Variants in NR3C2 observed in about 807,000 individuals in gnomAD.
NR3C2 encodes the protein nuclear receptor subfamily 3 group C member 2, also known as mineralocorticoid receptor.
In NR3C2, 15 loss-of-function variants were observed where a neutral mutation model predicts 86.4. The observed-to-expected ratio is 0.17, with a 90% CI of 0.12 to 0.27. The LOEUF (loss-of-function observed/expected upper bound fraction) is 0.27, where lower values mean the gene tolerates loss of function less well. NR3C2 is among the 10% of genes least tolerant of loss of function. The pLI, the probability that NR3C2 is intolerant of heterozygous loss-of-function variation, is 1.00. For missense variants in NR3C2, 960 were observed against 1,195.6 expected (o/e 0.80, Z 2.91); for synonymous variants, 458 against 450.5 (o/e 1.02, Z -0.21).
chr4:148,114,340 G>GA, intron 7 of NR3C2, 79 bp from the exon 8 acceptor site: 1 of 1,478,798 alleles, frequency 6.8e-7, no homozygotes, highest in South Asian at 1.2e-5. Context: ...GTCATATACT[G>GA]ATTTTGAGGT....
Position 148,299,728 on chromosome 4 carries a change from G to A in NR3C2, c.1758-39611C>T, listed in dbSNP as rs527511663. Among the ~76,000 whole-genome samples, 6 of 152,290 alleles carry A rather than the reference G, an allele frequency of 3.9e-5. No individual in the cohort carries two copies. In the South Asian group the frequency reaches 1.0e-3, roughly 26 times the overall value. On this transcript the variant is annotated intron_variant, in intron 2 of 8. Coordinates refer to ENST00000358102, the MANE Select transcript of NR3C2 (RefSeq NM_000901.5). ...TAAGAATAAGAGGTTCTTCCCCATG[G>A]CATCTTTCCAAACCTGCAGTTCCGG...
At chr4:148,082,959 G>A (rs372211476) in intron 8 of NR3C2, among the ~76,000 whole-genome samples, 25 of 152,058 alleles carry the variant, frequency 1.6e-4, no homozygotes, top group African/African-American at 3.9e-4. Flanking sequence ...CAGAGCCACC[G>A]GGAAGTTCCA....
chr4:148,085,781 A>G, intron 8 of NR3C2, among the ~76,000 whole-genome samples: 1 of 152,220 alleles, frequency 6.6e-6, no homozygotes, highest in Non-Finnish European at 1.5e-5. Flanking sequence ...AAACACAATA[A>G]AAAATGATAA....
intron 2 of NR3C2, among the ~76,000 whole-genome samples, chr4:148,329,846 G>A (rs144366730): frequency 1.3e-3 from 196 of 152,280 alleles, no homozygotes; most frequent in Non-Finnish European, 2.4e-3. Context: ...AACTTTAATC[G>A]TTAACTGGAG....
intron 2 of NR3C2, among the ~76,000 whole-genome samples, chr4:148,423,864 A>G (rs894921114): frequency 6.6e-6 from 1 of 152,130 alleles, no homozygotes; most frequent in African/African-American, 2.4e-5. Context: ...GCACGCCACT[A>G]CGCCTGGCTA....
chr4:148,097,656 C>T (rs78270892), intron 8 of NR3C2, among the ~76,000 whole-genome samples: 4,810 of 151,656 alleles, frequency 0.032, 245 homozygotes, highest in African/African-American at 0.11. Context: ...CCATGGCCCA[C>T]GGGCTGTATG....
chr4:148,281,054 T>A (rs1741209739), intron 2 of NR3C2, among the ~76,000 whole-genome samples: 1 of 152,218 alleles, frequency 6.6e-6, no homozygotes, highest in Non-Finnish European at 1.5e-5. Flanking sequence ...TCTTGAGAAT[T>A]CCACTTAGTG....
At chr4:148,204,360 T>C (rs1376034515) in intron 3 of NR3C2, among the ~76,000 whole-genome samples, 1 of 152,218 alleles carries the variant, frequency 6.6e-6, no homozygotes, top group Non-Finnish European at 1.5e-5. Context: ...AAACATCTGT[T>C]ATCTAGATAA....
At chr4:148,101,300 A>G (rs1731525238) in intron 8 of NR3C2, among the ~76,000 whole-genome samples, 1 of 152,228 alleles carries the variant, frequency 6.6e-6, no homozygotes, top group South Asian at 2.1e-4. Flanking sequence ...AGCACTATGA[A>G]TTGTCTAAAA....
At chr4:148,238,103 A>T (rs1020173108) in intron 3 of NR3C2, among the ~76,000 whole-genome samples, 53 of 152,296 alleles carry the variant, frequency 3.5e-4, no homozygotes, top group African/African-American at 1.2e-3. Context: ...TAAAATTAGC[A>T]ACTCTATTTG....
chr4:148,342,074 G>C (rs923700945), intron 2 of NR3C2, among the ~76,000 whole-genome samples: 1 of 152,048 alleles, frequency 6.6e-6, no homozygotes, highest in Admixed American at 6.6e-5. Context: ...CAACCAGCCG[G>C]GGGGATGAGG....
intron 2 of NR3C2, among the ~76,000 whole-genome samples, chr4:148,383,395 T>C (rs919210605): frequency 6.6e-6 from 1 of 152,202 alleles, no homozygotes; most frequent in Non-Finnish European, 1.5e-5. Flanking sequence ...ATCTGGTAGA[T>C]TTTTGCTTTT....
intron 6 of NR3C2, among the ~76,000 whole-genome samples, chr4:148,128,548 C>T (rs1732861087): frequency 6.6e-6 from 1 of 152,148 alleles, no homozygotes; most frequent in African/African-American, 2.4e-5. Flanking sequence ...GGTGGCCATC[C>T]ACCACAGTGA....
At chr4:148,139,744 CTT>C (rs1381325957) in intron 6 of NR3C2, among the ~76,000 whole-genome samples, 1 of 152,188 alleles carries the variant, frequency 6.6e-6, no homozygotes, top group African/African-American at 2.4e-5. Context: ...ATATGACCTT[CTT>C]GTTTGTTTCC....
intron 2 of NR3C2, among the ~76,000 whole-genome samples, chr4:148,262,877 T>A (rs1208709903): frequency 6.6e-6 from 1 of 152,154 alleles, no homozygotes; most frequent in East Asian, 1.9e-4. Context: ...ATCTGTTAAA[T>A]TTTATTCGTT....
chr4:148,413,744 G>A (rs891430629), intron 2 of NR3C2, among the ~76,000 whole-genome samples: 13 of 151,718 alleles, frequency 8.6e-5, no homozygotes, highest in African/African-American at 2.9e-4. Context: ...TTCCTGTAAT[G>A]AGGAGATTCA....
At chr4:148,365,488 A>G (rs1291390368) in intron 2 of NR3C2, among the ~76,000 whole-genome samples, 3 of 152,204 alleles carry the variant, frequency 2.0e-5, no homozygotes, top group African/African-American at 7.2e-5. Flanking sequence ...TGGCAGCCTG[A>G]TAAAGTCTAC....
At chr4:148,255,738 C>G (rs1329093524) in intron 3 of NR3C2, among the ~76,000 whole-genome samples, 1 of 152,176 alleles carries the variant, frequency 6.6e-6, no homozygotes, top group African/African-American at 2.4e-5. Flanking sequence ...CTAGTCAACT[C>G]TGTTCACTGA....
chr4:148,303,653 C>T (rs578016482), intron 2 of NR3C2, among the ~76,000 whole-genome samples: 3 of 151,960 alleles, frequency 2.0e-5, no homozygotes, highest in Non-Finnish European at 2.9e-5. Flanking sequence ...CCAAGCTTCA[C>T]GTTGAAGTCC....
Sources: allele counts gnomAD v4.1 joint callset (sites outside exome capture counted in the v4.1 genomes callset), GRCh38; gene constraint gnomAD v4.1.1; transcripts MANE v1.5; gene names NCBI Gene and HGNC (gene_info 2026-07-23, HGNC 2026-07-21).